SND1: variants seen among roughly 807,000 people sequenced by gnomAD.
SND1 encodes the protein staphylococcal nuclease domain-containing protein 1.
SND1 carries 38 observed loss-of-function variants against 121.7 expected under a neutral mutation model. The observed-to-expected ratio is 0.31, with a 90% CI of 0.24 to 0.41. The LOEUF is 0.41. Among genes scored for constraint, SND1 ranks in the 10% least tolerant of loss-of-function variants. The pLI is 1.00. For synonymous variants in SND1, 401 were observed against 447.4 expected, an observed-to-expected ratio of 0.90 and a Z score of 1.31; for missense variants, 868 against 1,184.6, an observed-to-expected ratio of 0.73 and a Z score of 3.92.
intron 15 of SND1, among the ~76,000 whole-genome samples, chr7:127,985,450 G>A (rs1802365415): frequency 6.6e-6 from 1 of 152,166 alleles, no homozygotes; most frequent in South Asian, 2.1e-4. Context: ...TAGAGGCGGG[G>A]TTTCACCATC....
At chr7:127,783,778 G>T (rs1428275434) in intron 10 of SND1, among the ~76,000 whole-genome samples, 2 of 152,176 alleles carry the variant, frequency 1.3e-5, no homozygotes, top group African/African-American at 4.8e-5. Context: ...TTTATGCTCT[G>T]CCTTGAAGAC....
At chr7:127,691,910 C>T (rs1795925383) in intron 2 of SND1, among the ~76,000 whole-genome samples, 1 of 151,464 alleles carries the variant, frequency 6.6e-6, no homozygotes, top group African/African-American at 2.4e-5. Context: ...GGGATTACAG[C>T]CGTGAGCCTC....
intron 2 of SND1, among the ~76,000 whole-genome samples, chr7:127,693,448 T>TA (rs1562980690): frequency 6.6e-6 from 1 of 152,210 alleles, no homozygotes; most frequent in Non-Finnish European, 1.5e-5. Context: ...TGATTTATGT[T>TA]ATGTAACAGT....
At chr7:127,807,619 A>G in intron 11 of SND1, 46 bp downstream of exon 11, 1 of 1,479,514 alleles carries the variant, frequency 6.8e-7, no homozygotes, top group Non-Finnish European at 9.5e-7. Flanking sequence ...GTTGGGCTTA[A>G]GCTAATCTTT....
chr7:127,792,188 ATG>A (rs1797920927), intron 10 of SND1, among the ~76,000 whole-genome samples: 1 of 152,088 alleles, frequency 6.6e-6, no homozygotes, highest in Admixed American at 6.5e-5. Flanking sequence ...GAAGCTCTTT[ATG>A]TGTACTAGTT....
intron 22 of SND1, 22 bp downstream of exon 22, chr7:128,089,714 C>G (rs1260905695): frequency 2.2e-5 from 35 of 1,606,438 alleles, no homozygotes; most frequent in Non-Finnish European, 3.0e-5. Flanking sequence ...GGAGAGGCGG[C>G]CCCAGCATTG....
chr7:127,911,343 C>CT (rs1800449927), intron 14 of SND1, among the ~76,000 whole-genome samples: 1 of 152,126 alleles, frequency 6.6e-6, no homozygotes, highest in Non-Finnish European at 1.5e-5. Context: ...CTTTCTCTTT[C>CT]TTTTCTTTTC....
intron 16 of SND1, among the ~76,000 whole-genome samples, chr7:127,991,886 T>G (rs971807267): frequency 2.6e-5 from 4 of 152,186 alleles, no homozygotes; most frequent in Non-Finnish European, 4.4e-5. Context: ...AGCTTCAGCC[T>G]CTCAAGCTGA....
chr7:127,818,925 G>A (rs1301951927), intron 11 of SND1, among the ~76,000 whole-genome samples: 1 of 152,218 alleles, frequency 6.6e-6, no homozygotes, highest in East Asian at 1.9e-4. Context: ...ATGGTGTCAC[G>A]TGCAGCTAGA....
At chr7:127,950,628 G>A (rs1225848809) in intron 15 of SND1, among the ~76,000 whole-genome samples, 1 of 152,136 alleles carries the variant, frequency 6.6e-6, no homozygotes, top group Non-Finnish European at 1.5e-5. Flanking sequence ...TGAAACTACA[G>A]TCCTGTTACA....
intron 16 of SND1, among the ~76,000 whole-genome samples, chr7:128,073,959 C>A (rs1014686435): frequency 6.6e-6 from 1 of 152,180 alleles, no homozygotes; most frequent in East Asian, 1.9e-4. Context: ...ACTGCCCTTG[C>A]GCTGATGCAT....
At chr7:128,009,630 G>A (rs1014757656) in intron 16 of SND1, among the ~76,000 whole-genome samples, 29 of 152,160 alleles carry the variant, frequency 1.9e-4, no homozygotes, top group Non-Finnish European at 3.2e-4. Context: ...GCCACATGGG[G>A]CTAGTGGCCA....
chr7:127,840,545 A>G (rs1005616992), intron 11 of SND1, among the ~76,000 whole-genome samples: 1 of 152,240 alleles, frequency 6.6e-6, no homozygotes, highest in Non-Finnish European at 1.5e-5. Context: ...ATGCCGTTTT[A>G]TACATACTTA....
At chr7:127,822,985 C>T (rs1798577448) in intron 11 of SND1, among the ~76,000 whole-genome samples, 1 of 152,186 alleles carries the variant, frequency 6.6e-6, no homozygotes, top group South Asian at 2.1e-4. Context: ...TAGTGCAGTG[C>T]TTGGGCACAT....
chr7:127,876,113 T>C (rs1584634725), intron 12 of SND1, among the ~76,000 whole-genome samples: 1 of 152,138 alleles, frequency 6.6e-6, no homozygotes. Flanking sequence ...CCTGCTCCCC[T>C]TTGCCCCTCT....
chr7:127,867,578 G>A (rs527987595), intron 12 of SND1, among the ~76,000 whole-genome samples: 1 of 152,008 alleles, frequency 6.6e-6, no homozygotes, highest in African/African-American at 2.4e-5. Flanking sequence ...TCATGTTGTC[G>A]TCTTTATCTC....
At chr7:128,091,046 G>A (rs1289081391) in intron 22 of SND1, among the ~76,000 whole-genome samples, 1 of 152,180 alleles carries the variant, frequency 6.6e-6, no homozygotes, top group African/African-American at 2.4e-5. Context: ...CAGTATATCA[G>A]TGAGCAAGAA....
chr7:127,992,086 T>A (rs1412243950), intron 16 of SND1, among the ~76,000 whole-genome samples: 1 of 152,180 alleles, frequency 6.6e-6, no homozygotes, highest in Non-Finnish European at 1.5e-5. Flanking sequence ...CAGTTCCATT[T>A]CCCAAACATC....
intron 10 of SND1, among the ~76,000 whole-genome samples, chr7:127,748,375 C>T (rs897562618): frequency 6.6e-5 from 10 of 152,138 alleles, no homozygotes; most frequent in Admixed American, 6.5e-5. Context: ...GGTTCTGGAT[C>T]GGAATCAGAT....
Sources: allele counts gnomAD v4.1 joint callset (sites outside exome capture counted in the v4.1 genomes callset), GRCh38; gene constraint gnomAD v4.1.1; transcripts MANE v1.5; gene names NCBI Gene and HGNC (gene_info 2026-07-23, HGNC 2026-07-21).